PLGRKT: variants seen among roughly 807,000 people sequenced by gnomAD.
PLGRKT encodes the protein plasminogen receptor (KT).
In PLGRKT, 22 loss-of-function variants were observed where a neutral mutation model predicts 18.5. That is an observed-to-expected ratio of 1.19 (90% CI 0.85 to 1.70). PLGRKT has a LOEUF of 1.70. PLGRKT is among the 40% of genes most tolerant of loss of function. The pLI is 0.00. For missense variants in PLGRKT, 235 were observed against 174.4 expected (o/e 1.35, Z -1.96); for synonymous variants, 72 against 52.8 (o/e 1.36, Z -1.58).
intron 3 of PLGRKT, among the ~76,000 whole-genome samples, chr9:5,408,988 T>G (rs952039413): frequency 1.3e-5 from 2 of 152,120 alleles, no homozygotes; most frequent in Non-Finnish European, 2.9e-5. Flanking sequence ...CGGATAAGAG[T>G]TGAGGCTTGG....
At chr9:5,404,219 C>G (rs1818211488) in intron 3 of PLGRKT, among the ~76,000 whole-genome samples, 1 of 152,170 alleles carries the variant, frequency 6.6e-6, no homozygotes, top group African/African-American at 2.4e-5. Flanking sequence ...GGTACCATTT[C>G]TTCTGAAATG....
chr9:5,387,952 T>C (rs935440537), intron 3 of PLGRKT, among the ~76,000 whole-genome samples: 1 of 151,744 alleles, frequency 6.6e-6, no homozygotes, highest in Non-Finnish European at 1.5e-5. Flanking sequence ...TATTTGGAAT[T>C]GGGAGCTGAA....
intron 3 of PLGRKT, among the ~76,000 whole-genome samples, chr9:5,384,319 T>C (rs1313655679): frequency 6.6e-6 from 1 of 152,226 alleles, no homozygotes; most frequent in East Asian, 1.9e-4. Flanking sequence ...GGGAATCTTT[T>C]AATTATTCCA....
intron 3 of PLGRKT, among the ~76,000 whole-genome samples, chr9:5,378,636 G>C (rs1270591940): frequency 6.6e-6 from 1 of 152,118 alleles, no homozygotes; most frequent in Non-Finnish European, 1.5e-5. Flanking sequence ...TAATTGAGTT[G>C]TACACTTTAA....
intron 3 of PLGRKT, among the ~76,000 whole-genome samples, chr9:5,367,598 A>C (rs1318633792): frequency 6.6e-6 from 1 of 152,196 alleles, no homozygotes; most frequent in Non-Finnish European, 1.5e-5. Flanking sequence ...CTCAAAATGG[A>C]TTAAAGACTT....
chr9:5,374,654 T>A (rs767431298), intron 3 of PLGRKT, among the ~76,000 whole-genome samples: 4 of 152,238 alleles, frequency 2.6e-5, no homozygotes, highest in Non-Finnish European at 5.9e-5. Context: ...TCAGGACTCA[T>A]GGTGCAGGTT....
chr9:5,430,341 T>G (rs10815223), intron 3 of PLGRKT, among the ~76,000 whole-genome samples: 1 of 152,030 alleles, frequency 6.6e-6, no homozygotes, highest in African/African-American at 2.4e-5. Context: ...AAGCATCGGA[T>G]AGCTGGCTGA....
chr9:5,435,140 A>G (rs1018925043), intron 2 of PLGRKT, among the ~76,000 whole-genome samples: 7 of 151,980 alleles, frequency 4.6e-5, no homozygotes, highest in African/African-American at 1.5e-4. Context: ...AAGAGTCACC[A>G]CCACTCCCTA....
chr9:5,412,471 GTTTGTTATCATGGC>G (rs2131146320), intron 3 of PLGRKT, among the ~76,000 whole-genome samples: 1 of 152,274 alleles, frequency 6.6e-6, no homozygotes, highest in Non-Finnish European at 1.5e-5. Context: ...ATGAGAGTAG[GTTTGTTATCATGGC>G]TTTGTTATAA....
At chr9:5,363,827 A>T (rs1817322041) in intron 3 of PLGRKT, among the ~76,000 whole-genome samples, 1 of 152,208 alleles carries the variant, frequency 6.6e-6, no homozygotes, top group Non-Finnish European at 1.5e-5. Context: ...ACTAGAAGTA[A>T]TTGAGTAACT....
chr9:5,374,696 T>C (rs1817594424), intron 3 of PLGRKT, among the ~76,000 whole-genome samples: 1 of 152,200 alleles, frequency 6.6e-6, no homozygotes, highest in African/African-American at 2.4e-5. Context: ...TAGGCAAGTC[T>C]TTAAGCTAGA....
chr9:5,394,766 T>A (rs999195724), intron 3 of PLGRKT, among the ~76,000 whole-genome samples: 1 of 151,932 alleles, frequency 6.6e-6, no homozygotes, highest in African/African-American at 2.4e-5. Context: ...AAATATTGGA[T>A]GCTATAACAA....
chr9:5,424,691 T>TAC (rs1554634194), intron 3 of PLGRKT, among the ~76,000 whole-genome samples: 111 of 70,466 alleles, frequency 1.6e-3, no homozygotes, highest in East Asian at 3.2e-3. Flanking sequence ...TATATATATA[T>TAC]ACACACAGGG....
At chr9:5,423,752 A>G in intron 3 of PLGRKT, among the ~76,000 whole-genome samples, 1 of 150,252 alleles carries the variant, frequency 6.7e-6, no homozygotes, top group Non-Finnish European at 1.5e-5. Context: ...CCCAGGTTGT[A>G]GTGTAGTGGC....
chr9:5,434,936 G>A (rs1017111572), intron 2 of PLGRKT, among the ~76,000 whole-genome samples: 2 of 152,206 alleles, frequency 1.3e-5, no homozygotes, highest in South Asian at 2.1e-4. Context: ...TGTGTAGAAA[G>A]AAGTAGACAT....
At chr9:5,424,404 T>C (rs1389958296) in intron 3 of PLGRKT, among the ~76,000 whole-genome samples, 1 of 129,760 alleles carries the variant, frequency 7.7e-6, no homozygotes, top group Non-Finnish European at 1.5e-5. Flanking sequence ...ACATAATATA[T>C]TATATATTAA....
At chr9:5,360,533 T>C (rs1018158918) in intron 5 of PLGRKT, among the ~76,000 whole-genome samples, 1 of 152,150 alleles carries the variant, frequency 6.6e-6, no homozygotes, top group Non-Finnish European at 1.5e-5. Context: ...ATCAACAAAA[T>C]AAGAAGTCAA....
rs369096442 is a variant in PLGRKT, at chr9:5,403,293, C to T, written c.81+28604G>A. Among the ~76,000 whole-genome samples, 97 of 150,396 alleles carry T rather than the reference C, an allele frequency of 6.4e-4. 2 individuals are homozygous for T. The highest frequency in any genetic ancestry group is 1.9e-3 in the African/African-American group (75 of 40,470). On this transcript the variant is annotated intron_variant, in intron 3 of 5. Transcript: ENST00000223864. ...AGCTGGAGTACAATGGTGCGATCTCCGCTCACTGCAACCTCTGCCTCCCGG... is the reference window on the plus strand; with the variant it reads ...AGCTGGAGTACAATGGTGCGATCTCTGCTCACTGCAACCTCTGCCTCCCGG...
intron 3 of PLGRKT, among the ~76,000 whole-genome samples, chr9:5,430,165 A>C (rs1382699992): frequency 6.6e-6 from 1 of 152,202 alleles, no homozygotes; most frequent in Non-Finnish European, 1.5e-5. Flanking sequence ...GTGAGTAATA[A>C]AGTCCTCTGA....
Sources: allele counts gnomAD v4.1 joint callset (sites outside exome capture counted in the v4.1 genomes callset), GRCh38; gene constraint gnomAD v4.1.1; transcripts MANE v1.5; gene names NCBI Gene and HGNC (gene_info 2026-07-23, HGNC 2026-07-21).